Variants in SLC34A2 observed in about 807,000 individuals in gnomAD.
SLC34A2 encodes the protein solute carrier family 34 member 2, also known as sodium-dependent phosphate transport protein 2B.
SLC34A2 carries 41 observed loss-of-function variants against 50.8 expected under a neutral mutation model. That is an observed-to-expected ratio of 0.81 (90% CI 0.63 to 1.05). The LOEUF is 1.05. Ranked by LOEUF, SLC34A2 falls within the 50% of genes least tolerant of loss-of-function variation. SLC34A2 has a pLI of 0.00. For synonymous variants in SLC34A2, 401 were observed against 364.2 expected (o/e 1.10, Z -1.15); for missense variants, 879 against 876.7 (o/e 1.00, Z -0.03).
At chr4:25,669,441 G>A (rs779535854) in intron 6 of SLC34A2, among the ~76,000 whole-genome samples, 3 of 152,122 alleles carry the variant, frequency 2.0e-5, no homozygotes, top group African/African-American at 7.2e-5. Flanking sequence ...TTGCTGGCCC[G>A]CAGCTTCTTC....
intron 4 of SLC34A2, 104 bp downstream of exon 4, chr4:25,664,434 G>A: frequency 1.5e-6 from 2 of 1,322,040 alleles, no homozygotes; most frequent in Non-Finnish European, 2.2e-6. Flanking sequence ...GCCTCCTGGA[G>A]TGTTTTAGGA....
At chr4:25,663,208 C>A (rs1489393456) in intron 3 of SLC34A2, among the ~76,000 whole-genome samples, 1 of 152,140 alleles carries the variant, frequency 6.6e-6, no homozygotes, top group Non-Finnish European at 1.5e-5. Context: ...CCCTCCTCGA[C>A]CTTCCAAAGT....
chr4:25,676,707 G>T lies in SLC34A2; in HGVS notation c.2031G>T (p.Glu677Asp), dbSNP rs1715151693. The T allele has an allele frequency of 1.2e-6, 2 of 1,614,170 alleles. No homozygotes were observed. Among genetic ancestry groups the T allele is most frequent in the African/African-American group, 1.3e-5 (1 of 75,048 alleles). ...CCATTAGCAGAGAGGCTCAGGGTGA[G>T]GTCCCTGCCTCGGACTCAAAGACCG... ...NITISREAQGEVPASDSKTEC... is the reference protein window; with the variant it reads ...NITISREAQGDVPASDSKTEC... The change falls in exon 13 of 13, where the codon GAG (glutamate) becomes GAT (aspartate). Residue 677 changes from glutamate to aspartate, a missense_variant. Glu to Asp is a conservative substitution (Grantham distance 45, BLOSUM62 2). Coordinates refer to ENST00000382051, the MANE Select transcript of SLC34A2 (RefSeq NM_006424.3).
chr4:25,663,229 C>G (rs1714309296), intron 3 of SLC34A2, among the ~76,000 whole-genome samples: 1 of 152,170 alleles, frequency 6.6e-6, no homozygotes. Context: ...GCTGAGATTA[C>G]AGGCATGAGC....
At chr4:25,658,832 G>A (rs1464078541) in intron 1 of SLC34A2, among the ~76,000 whole-genome samples, 2 of 152,156 alleles carry the variant, frequency 1.3e-5, no homozygotes, top group Non-Finnish European at 2.9e-5. Context: ...AGGGCTATGG[G>A]GGTAGGAGAA....
rs1488051982 is a variant in SLC34A2 at position 25,673,107 on chromosome 4, T to C, written c.1069T>C (p.Phe357Leu). Residue 357 changes from phenylalanine (F) to leucine (L), a missense_variant, in exon 10 of 13, where the codon TTC becomes CTC. Phe to Leu is a conservative substitution (Grantham distance 22). Coordinates refer to ENST00000382051, the MANE Select transcript of SLC34A2 (RefSeq NM_006424.3). ...IAKCQHIFVN[F>L]HLPDLAVGTI... ...TTCAGGCCAGCATATCTTTGTGAAT[T>C]TCCACCTCCCGGATCTTGCTGTGGG... 6.2e-7 allele frequency: 1 copy of C among 1,614,044 alleles called. No individual in the cohort carries two copies. Among genetic ancestry groups the C allele is most frequent in the Non-Finnish European group, 8.5e-7 (1 of 1,180,044 alleles).
At chr4:25,658,401 A>G (rs992123098) in intron 1 of SLC34A2, among the ~76,000 whole-genome samples, 18 of 151,994 alleles carry the variant, frequency 1.2e-4, no homozygotes, top group Non-Finnish European at 2.2e-4. Context: ...TCCTCTCCCC[A>G]TTTCTTCAGA....
intron 1 of SLC34A2, among the ~76,000 whole-genome samples, chr4:25,657,922 G>A (rs779273909): frequency 2.0e-5 from 3 of 152,186 alleles, no homozygotes; most frequent in Admixed American, 1.3e-4. Context: ...CCTTGTGATG[G>A]CTGTAAGGGA....
rs1446477319 is a variant in SLC34A2 at position 25,673,088 on chromosome 4, C to T, written c.1050C>T (p.Cys350=). 2 of 1,614,110 alleles carry T rather than the reference C, an allele frequency of 1.2e-6. No homozygotes were observed. The highest frequency in any genetic ancestry group is 1.3e-5 in the African/African-American group (1 of 75,032). ...ACAAGATTCTTTGTGGTCTTTCAGG[C>T]CAGCATATCTTTGTGAATTTCCACC... is the stretch of plus-strand genomic sequence containing the variant. ...NVTYKENIAK[C]QHIFVNFHLP... The change falls in exon 10 of 13, where the codon TGC becomes TGT. Residue 350 remains cysteine, a splice_region_variant and synonymous_variant. Transcript: ENST00000382051.
At chr4:25,662,007 G>C (rs1714215259) in intron 1 of SLC34A2, among the ~76,000 whole-genome samples, 1 of 152,006 alleles carries the variant, frequency 6.6e-6, no homozygotes, top group African/African-American at 2.4e-5. Context: ...CGAGTAGCTG[G>C]GACTATAGGC....
chr4:25,669,478 A>G (rs1442451377), intron 6 of SLC34A2, among the ~76,000 whole-genome samples, 169 bp from the exon 7 acceptor site: 1 of 152,228 alleles, frequency 6.6e-6, no homozygotes, highest in Admixed American at 6.5e-5. Flanking sequence ...TATAGATACC[A>G]GCCACTTTGG....
intron 3 of SLC34A2, 66 bp from the exon 4 acceptor site, chr4:25,664,136 C>T: frequency 6.4e-7 from 1 of 1,566,262 alleles, no homozygotes; most frequent in Non-Finnish European, 8.8e-7. Flanking sequence ...TGCCAAACTT[C>T]TCAGGGTTTC....
chr4:25,665,020 GTC>G (rs991274618), intron 4 of SLC34A2: 2 of 229,512 alleles, frequency 8.7e-6, no homozygotes, highest in African/African-American at 4.4e-5. Context: ...GTAAGATTCA[GTC>G]TCAGATCTGG....
At chr4:25,671,822 A>T in intron 9 of SLC34A2, 101 bp downstream of exon 9, 1 of 1,531,182 alleles carries the variant, frequency 6.5e-7, no homozygotes, top group Non-Finnish European at 9.0e-7. Flanking sequence ...GGACAGTAGG[A>T]GTCACCAAGC....
Position 25,674,401 on chromosome 4 carries a change from C to T in SLC34A2, c.1322C>T (p.Thr441Ile). The T allele has an allele frequency of 6.2e-7, 1 of 1,614,096 alleles. No homozygotes were observed. Among genetic ancestry groups the T allele is most frequent in the East Asian group, 2.2e-5 (1 of 44,878 alleles). The change falls in exon 11 of 13, where the codon ACC becomes ATC. Residue 441 changes from threonine to isoleucine, a missense_variant. Thr to Ile is a moderately conservative substitution (Grantham distance 89, BLOSUM62 -1). Transcript: ENST00000382051. ...AGCTCTGTGTTCACGTCGGCCTTGA[C>T]CCCCCTGATTGGTGAGTTACACCCT... ...QSSSVFTSAL[T>I]PLIGIGVITI...
At chr4:25,657,067 T>C (rs1019949749) in intron 1 of SLC34A2, among the ~76,000 whole-genome samples, 2 of 152,140 alleles carry the variant, frequency 1.3e-5, no homozygotes, top group Non-Finnish European at 2.9e-5. Context: ...CTTTTGTAAT[T>C]TGGGGAATGG....
In SLC34A2 at chr4:25,664,106, C is replaced by T. The variant is rs149507260; in HGVS notation, c.251-96C>T. On this transcript the variant is annotated intron_variant, in intron 3 of 12. Coordinates refer to ENST00000382051, the MANE Select transcript of SLC34A2 (RefSeq NM_006424.3). ...GCCAGGCTGGGAAGGGAGGGGAGGT[C>T]GGGGGAGCTCTGAGCTCATTGCCAA... 3.4e-3 allele frequency: 4,224 copies of T among 1,229,970 alleles called. 17 individuals carry two copies. Among genetic ancestry groups the T allele is most frequent in the Middle Eastern group, 0.011 (41 of 3,892 alleles). 76.2% of individuals were successfully genotyped at this position (1,229,970 alleles called of 1,614,324 possible). A position where few individuals can be genotyped will look rare whatever the true frequency, so the allele number is the denominator to read the frequency against.
intron 12 of SLC34A2, among the ~76,000 whole-genome samples, chr4:25,675,419 A>C (rs915620583): frequency 6.6e-6 from 1 of 152,364 alleles, no homozygotes. Flanking sequence ...CATCTGAAAG[A>C]TGGAGGACAT....
intron 5 of SLC34A2, 143 bp downstream of exon 5, chr4:25,666,414 T>C (rs1714507124): frequency 1.1e-6 from 1 of 935,288 alleles, no homozygotes; most frequent in Non-Finnish European, 1.6e-6. Flanking sequence ...AGCTACAATG[T>C]GTTTCCCTCT....
Sources: allele counts gnomAD v4.1 joint callset (sites outside exome capture counted in the v4.1 genomes callset), GRCh38; gene constraint gnomAD v4.1.1; transcripts MANE v1.5; gene names NCBI Gene and HGNC (gene_info 2026-07-23, HGNC 2026-07-21).